Variants in THRB observed in about 807,000 individuals in gnomAD.
The protein encoded by THRB is nuclear receptor subfamily 1 group A member 2.
Under a neutral mutation model 47.8 loss-of-function variants are expected in THRB, and 12 were observed. That is an observed-to-expected ratio of 0.25 (90% CI 0.16 to 0.41). The LOEUF (loss-of-function observed/expected upper bound fraction) is 0.41, where lower values mean the gene tolerates loss of function less well. Ranked by LOEUF, THRB falls within the 10% of genes least tolerant of loss-of-function variation. THRB has a pLI of 1.00. For missense variants in THRB, 348 were observed against 589.2 expected (o/e 0.59, Z 4.24); for synonymous variants, 218 against 212.2 (o/e 1.03, Z -0.24).
At chr3:24,464,177 C>T (rs1041829114) in intron 1 of THRB, among the ~76,000 whole-genome samples, 117 of 149,912 alleles carry the variant, frequency 7.8e-4, no homozygotes, top group African/African-American at 2.8e-3. Flanking sequence ...ACCCGGGAGG[C>T]GGAGCCTGCA....
At position 24,377,935 on chromosome 3, in the gene THRB, G is replaced by C. The variant is rs540961768; in HGVS notation, c.-260-40564C>G. On this transcript the variant is annotated intron_variant, in intron 1 of 10. Transcript: ENST00000646209. ...ACTTATTCAAGGCAACAAAGAAAAG[G>C]TGTAAAATGAGAGATACAGGAATCC... Among the ~76,000 whole-genome samples the C allele has an allele frequency of 2.6e-5, 4 of 152,250 alleles. No homozygotes were observed. The East Asian group carries it at 7.7e-4, about 29-fold the overall frequency.
chr3:24,304,598 A>G (rs896473372), intron 2 of THRB, among the ~76,000 whole-genome samples: 5 of 152,186 alleles, frequency 3.3e-5, no homozygotes, highest in African/African-American at 1.2e-4. Flanking sequence ...TAAGACGTTA[A>G]CATAGTACTA....
At chr3:24,379,676 A>G (rs923676857) in intron 1 of THRB, among the ~76,000 whole-genome samples, 1 of 152,088 alleles carries the variant, frequency 6.6e-6, no homozygotes, top group Non-Finnish European at 1.5e-5. Context: ...AGAGCTGAGC[A>G]TAGTCAATGA....
At chr3:24,458,853 A>T (rs142756559) in intron 1 of THRB, 1,936 of 152,186 alleles carry the variant, frequency 0.013, 41 homozygotes, top group African/African-American at 0.044. Flanking sequence ...TTCACCTTCA[A>T]ATACGTTAAA....
chr3:24,134,390 C>T lies in THRB; in HGVS notation c.739-928G>A, dbSNP rs566133316. Among the ~76,000 whole-genome samples the T allele has an allele frequency of 2.6e-5, 4 of 152,284 alleles. No individual in the cohort carries two copies. In the South Asian group the frequency reaches 8.3e-4, roughly 32 times the overall value. Reference sequence around the variant, plus strand: ...TCAGGAAGAGTCTGCTCCACTTCTCCTCCTTGTCTTTGTGATGATCATAAC... The same window carrying T: ...TCAGGAAGAGTCTGCTCCACTTCTCTTCCTTGTCTTTGTGATGATCATAAC... On this transcript the variant is annotated intron_variant, in intron 8 of 10. Transcript: ENST00000646209.
At position 24,122,855 on chromosome 3, in the gene THRB, T is replaced by C. The variant is rs1439597538; in HGVS notation, c.*29A>G. The C allele has an allele frequency of 6.2e-7, 1 of 1,614,146 alleles. No homozygotes were observed. The highest frequency in any genetic ancestry group is 8.5e-7 in the Non-Finnish European group (1 of 1,179,984). On this transcript the variant is annotated 3_prime_UTR_variant, in exon 11 of 11. Coordinates refer to ENST00000646209, the MANE Select transcript of THRB (RefSeq NM_001354712.2). ...AATGAAATGACACCCAGTAGTGCTG[T>C]AGGAATTATGAGAATGAATCCAGTC... is the stretch of plus-strand genomic sequence containing the variant.
chr3:24,139,381 T>TTTTC (rs1230405184), intron 8 of THRB, among the ~76,000 whole-genome samples: 1 of 128,514 alleles, frequency 7.8e-6, no homozygotes, highest in African/African-American at 2.9e-5. Context: ...TTTCTTTTTC[T>TTTTC]TTTCTTTCTT....
chr3:24,227,731 T>G (rs17014420), intron 4 of THRB, among the ~76,000 whole-genome samples: 2,970 of 152,268 alleles, frequency 0.02, 110 homozygotes, highest in African/African-American at 0.067. Context: ...TTGGAGCAAT[T>G]TGTCCTACAT....
In THRB at chr3:24,463,223, C is replaced by T. The variant is rs375158961; in HGVS notation, c.-261+31429G>A. Among the ~76,000 whole-genome samples the T allele has an allele frequency of 6.6e-5, 10 of 152,278 alleles. No individual in the cohort carries two copies. In the South Asian group the frequency reaches 8.3e-4, roughly 13 times the overall value. On this transcript the variant is annotated intron_variant, in intron 1 of 10. Transcript: ENST00000646209. ...AAAAAGTGTTGAAAGGAACGGGGAA[C>T]GGCTTTTCTCTTCACACCATCTCAT... is the stretch of plus-strand genomic sequence containing the variant.
chr3:24,413,549 T>A, intron 1 of THRB, among the ~76,000 whole-genome samples: 1 of 151,446 alleles, frequency 6.6e-6, no homozygotes, highest in Non-Finnish European at 1.5e-5. Context: ...ACCTATTAAC[T>A]TTTTTTTTCT....
intron 3 of THRB, among the ~76,000 whole-genome samples, chr3:24,293,055 CCACT>C (rs1256642447): frequency 6.6e-6 from 1 of 152,148 alleles, no homozygotes; most frequent in East Asian, 1.9e-4. Context: ...GCACCTGCTA[CCACT>C]CACTGGTCTG....
chr3:24,355,388 A>C (rs1207001815), intron 1 of THRB, among the ~76,000 whole-genome samples: 1 of 152,198 alleles, frequency 6.6e-6, no homozygotes, highest in Non-Finnish European at 1.5e-5. Flanking sequence ...GCAGCATGAT[A>C]TCCTGGAATG....
At chr3:24,337,996 C>T (rs571954146) in intron 1 of THRB, among the ~76,000 whole-genome samples, 3 of 152,282 alleles carry the variant, frequency 2.0e-5, no homozygotes, top group South Asian at 2.1e-4. Context: ...CCTGCCATGC[C>T]GCAGAGGATG....
chr3:24,442,903 C>T (rs1244585879), intron 1 of THRB, among the ~76,000 whole-genome samples: 2 of 151,890 alleles, frequency 1.3e-5, no homozygotes, highest in African/African-American at 2.4e-5. Flanking sequence ...AAGTAAGGTG[C>T]TGGGCACGGT....
intron 8 of THRB, among the ~76,000 whole-genome samples, chr3:24,137,060 A>G (rs756756637): frequency 7.9e-5 from 12 of 152,270 alleles, no homozygotes; most frequent in Non-Finnish European, 1.3e-4. Context: ...TCAAACACAC[A>G]TGGTGGCCCA....
chr3:24,389,806 T>G (rs926332178), intron 1 of THRB, among the ~76,000 whole-genome samples: 8 of 152,022 alleles, frequency 5.3e-5, no homozygotes, highest in African/African-American at 1.7e-4. Flanking sequence ...CTTATAAAAA[T>G]AGCTTCAGCA....
chr3:24,414,053 A>G (rs2068547017), intron 1 of THRB, among the ~76,000 whole-genome samples: 1 of 151,910 alleles, frequency 6.6e-6, no homozygotes, highest in African/African-American at 2.4e-5. Flanking sequence ...TTATGTTTCA[A>G]ATAGATATAT....
chr3:24,190,603 G>A (rs1254344315), intron 4 of THRB, among the ~76,000 whole-genome samples: 4 of 151,890 alleles, frequency 2.6e-5, no homozygotes, highest in Admixed American at 1.3e-4. Flanking sequence ...CTGTACTTTC[G>A]CCAGTCCCAC....
At chr3:24,411,909 G>A (rs1366876485) in intron 1 of THRB, among the ~76,000 whole-genome samples, 3 of 151,830 alleles carry the variant, frequency 2.0e-5, no homozygotes, top group Admixed American at 6.6e-5. Context: ...GAGTAGCATC[G>A]GGTCATTACT....
Sources: allele counts gnomAD v4.1 joint callset (sites outside exome capture counted in the v4.1 genomes callset), GRCh38; gene constraint gnomAD v4.1.1; transcripts MANE v1.5; gene names NCBI Gene and HGNC (gene_info 2026-07-23, HGNC 2026-07-21).